CNTNAP5: variants seen among roughly 807,000 people sequenced by gnomAD.
The protein encoded by CNTNAP5 is contactin-associated protein-like 5.
In CNTNAP5, 72 loss-of-function variants were observed where a neutral mutation model predicts 150.2. The ratio of observed to expected loss-of-function variants is 0.48; its 90% confidence interval spans 0.40 to 0.58. The LOEUF (loss-of-function observed/expected upper bound fraction) is 0.58, where lower values mean the gene tolerates loss of function less well. CNTNAP5 is among the 20% of genes least tolerant of loss of function. The pLI is 0.00. For missense variants in CNTNAP5, 1,636 were observed against 1,626.2 expected (o/e 1.01, Z -0.10); for synonymous variants, 672 against 619.8 (o/e 1.08, Z -1.25).
chr2:124,157,400 GC>G (rs1279452758), intron 1 of CNTNAP5, among the ~76,000 whole-genome samples: 1 of 152,186 alleles, frequency 6.6e-6, no homozygotes, highest in Non-Finnish European at 1.5e-5. Context: ...TGGAGAAGAA[GC>G]TGTGTTAGGC....
chr2:124,249,579 C>T lies in CNTNAP5; in HGVS notation c.381+7186C>T, dbSNP rs187459891. ...TATCTATAGCCTAGAAGCCCCCATC[C>T]GCTTTGGGTTGTCCCGCCTTTATGA... On this transcript the variant is annotated intron_variant, in intron 3 of 23. Transcript: ENST00000682447. Among the ~76,000 whole-genome samples the T allele has an allele frequency of 2.6e-4, 39 of 152,296 alleles. No homozygotes were observed. The East Asian group carries it at 3.9e-3, about 15-fold the overall frequency.
intron 14 of CNTNAP5, among the ~76,000 whole-genome samples, chr2:124,753,139 G>A (rs866545551): frequency 2.0e-5 from 3 of 151,980 alleles, no homozygotes; most frequent in Non-Finnish European, 2.9e-5. Context: ...AAAGTGATAT[G>A]GCAAAAATAG....
At chr2:124,737,367 G>T (rs557396892) in intron 13 of CNTNAP5, among the ~76,000 whole-genome samples, 75 of 152,106 alleles carry the variant, frequency 4.9e-4, no homozygotes, top group Middle Eastern at 6.8e-3. Context: ...ATAATTAAAT[G>T]GTTAATTTCA....
intron 13 of CNTNAP5, among the ~76,000 whole-genome samples, chr2:124,691,033 A>G (rs942646556): frequency 7.9e-5 from 12 of 152,096 alleles, no homozygotes; most frequent in African/African-American, 2.4e-4. Flanking sequence ...TGAAGGCCCA[A>G]AGGTACAGGG....
intron 3 of CNTNAP5, among the ~76,000 whole-genome samples, chr2:124,265,265 G>A (rs887485312): frequency 6.6e-6 from 1 of 152,030 alleles, no homozygotes; most frequent in African/African-American, 2.4e-5. Context: ...CTTTTCCAGC[G>A]CAGCTCATCC....
intron 21 of CNTNAP5, among the ~76,000 whole-genome samples, chr2:124,878,279 C>T (rs1257031981): frequency 6.6e-6 from 1 of 152,066 alleles, no homozygotes; most frequent in Non-Finnish European, 1.5e-5. Context: ...ATGACTTCAC[C>T]ACTGACTAAT....
At chr2:124,651,597 A>C (rs999694164) in intron 13 of CNTNAP5, among the ~76,000 whole-genome samples, 3 of 152,238 alleles carry the variant, frequency 2.0e-5, no homozygotes, top group African/African-American at 7.2e-5. Flanking sequence ...TGCAACCAAA[A>C]TCTCCTGAAG....
intron 3 of CNTNAP5, among the ~76,000 whole-genome samples, chr2:124,369,512 G>A (rs1163730357): frequency 6.6e-6 from 1 of 152,094 alleles, no homozygotes; most frequent in Non-Finnish European, 1.5e-5. Context: ...ATAGGCATTG[G>A]TATGTTCTAG....
intron 3 of CNTNAP5, among the ~76,000 whole-genome samples, chr2:124,372,763 C>T (rs1690559224): frequency 6.6e-6 from 1 of 151,954 alleles, no homozygotes; most frequent in Non-Finnish European, 1.5e-5. Context: ...ACTCAGGGTT[C>T]CTGTTATTAT....
At position 124,198,858 on chromosome 2, in the gene CNTNAP5, A is replaced by G. The variant is rs927188327; in HGVS notation, c.83-22847A>G. On this transcript the variant is annotated intron_variant, in intron 1 of 23. Coordinates refer to ENST00000682447, the MANE Select transcript of CNTNAP5 (RefSeq NM_001367498.1). ...AGAAGTATGCCAGATTTCTTGCCAC[A>G]TGATTTCTTTTTTTTTTTTTTCCAT... Among the ~76,000 whole-genome samples, 14 of 134,310 alleles carry G rather than the reference A, an allele frequency of 1.0e-4. No individual in the cohort carries two copies. In the Admixed American group the frequency reaches 1.1e-3, roughly 11 times the overall value. The allele number at this position is 134,310 out of a possible 152,430, so 88.1% of individuals were successfully genotyped here.
At chr2:124,476,069 T>C (rs374896734) in intron 7 of CNTNAP5, among the ~76,000 whole-genome samples, 39 of 152,226 alleles carry the variant, frequency 2.6e-4, no homozygotes, top group African/African-American at 8.4e-4. Flanking sequence ...TTATATTATA[T>C]ATGCATAACT....
At chr2:124,080,930 C>T (rs951929704) in intron 1 of CNTNAP5, among the ~76,000 whole-genome samples, 7 of 152,070 alleles carry the variant, frequency 4.6e-5, no homozygotes, top group African/African-American at 1.7e-4. Context: ...CCCTAGCATC[C>T]TTGACATGTT....
At chr2:124,301,477 T>C (rs548211673) in intron 3 of CNTNAP5, among the ~76,000 whole-genome samples, 9 of 152,224 alleles carry the variant, frequency 5.9e-5, no homozygotes, top group Non-Finnish European at 8.8e-5. Context: ...TTAAATTTCA[T>C]TGATGCTGTT....
intron 10 of CNTNAP5, among the ~76,000 whole-genome samples, chr2:124,537,267 C>T (rs1695260765): frequency 6.6e-6 from 1 of 152,134 alleles, no homozygotes; most frequent in African/African-American, 2.4e-5. Context: ...TCTAACCCTG[C>T]TGTGGGAAGG....
At chr2:124,202,937 A>G (rs1685765833) in intron 1 of CNTNAP5, among the ~76,000 whole-genome samples, 2 of 152,102 alleles carry the variant, frequency 1.3e-5, no homozygotes, top group Admixed American at 6.6e-5. Flanking sequence ...TCCAAATCTC[A>G]TATCCTCGCA....
At chr2:124,339,010 G>C (rs1689543004) in intron 3 of CNTNAP5, among the ~76,000 whole-genome samples, 1 of 152,134 alleles carries the variant, frequency 6.6e-6, no homozygotes, top group South Asian at 2.1e-4. Context: ...ACTTGGGGTA[G>C]TCATGGAGGA....
chr2:124,407,059 A>G (rs1691589645), intron 3 of CNTNAP5, among the ~76,000 whole-genome samples: 1 of 152,182 alleles, frequency 6.6e-6, no homozygotes, highest in African/African-American at 2.4e-5. Context: ...TGAATAATAC[A>G]TATACTACAT....
intron 3 of CNTNAP5, among the ~76,000 whole-genome samples, chr2:124,365,191 T>C (rs981343987): frequency 1.3e-5 from 2 of 151,850 alleles, no homozygotes; most frequent in African/African-American, 2.4e-5. Flanking sequence ...TGATGTGCAA[T>C]TGTGGTCGCA....
At chr2:124,397,327 A>C (rs2104754704) in intron 3 of CNTNAP5, among the ~76,000 whole-genome samples, 1 of 152,302 alleles carries the variant, frequency 6.6e-6, no homozygotes, top group East Asian at 1.9e-4. Context: ...GTGCTGGAAG[A>C]TCCAGTGTCT....
Sources: allele counts gnomAD v4.1 joint callset (sites outside exome capture counted in the v4.1 genomes callset), GRCh38; gene constraint gnomAD v4.1.1; transcripts MANE v1.5; gene names NCBI Gene and HGNC (gene_info 2026-07-23, HGNC 2026-07-21).